The following HS3ST4 variants were observed in gnomAD, a reference collection of about 807,000 sequenced individuals.
The protein encoded by HS3ST4 is heparan sulfate-glucosamine 3-sulfotransferase 4.
In HS3ST4, 17 loss-of-function variants were observed where a neutral mutation model predicts 29.2. The observed-to-expected ratio is 0.58, with a 90% confidence interval of 0.40 to 0.87. The LOEUF is 0.87. Among genes scored for constraint, HS3ST4 ranks in the 40% least tolerant of loss-of-function variants. The probability of loss-of-function intolerance (pLI) is 0.00; values close to 1 mark genes in which losing one functional copy is unlikely to be tolerated. For synonymous variants in HS3ST4, 314 were observed against 285.7 expected (o/e 1.10, Z -1.00); for missense variants, 627 against 634.5 (o/e 0.99, Z 0.13).
chr16:25,716,047 A>G (rs1383474291), intron 1 of HS3ST4, among the ~76,000 whole-genome samples: 1 of 152,224 alleles, frequency 6.6e-6, no homozygotes, highest in African/African-American at 2.4e-5. Flanking sequence ...TGTCCTGTGG[A>G]TTAAGAAGGG....
At chr16:25,799,521 G>C (rs1966910902) in intron 1 of HS3ST4, among the ~76,000 whole-genome samples, 1 of 152,056 alleles carries the variant, frequency 6.6e-6, no homozygotes, top group Non-Finnish European at 1.5e-5. Context: ...CCTTTTCTCT[G>C]TGAACCATCA....
At position 25,937,324 on chromosome 16, in the gene HS3ST4, G is replaced by A. The variant is rs575273445; in HGVS notation, c.735-198288G>A. ...TCCTACTATTATCAGTTGAACCCTA[G>A]ACCAAGTTGAACTTGAAATCTTACC... On this transcript the variant is annotated intron_variant, in intron 1 of 1. Transcript: ENST00000331351. 3.3e-5 allele frequency among the ~76,000 whole-genome samples: 5 copies of A among 152,262 alleles called. No homozygotes were observed. In the South Asian group the frequency reaches 1.0e-3, roughly 32 times the overall value.
intron 1 of HS3ST4, among the ~76,000 whole-genome samples, chr16:25,801,416 C>T (rs1405497270): frequency 1.3e-5 from 2 of 152,162 alleles, no homozygotes; most frequent in Non-Finnish European, 2.9e-5. Context: ...TTGTGCAAGT[C>T]TTTCTGTGAG....
intron 1 of HS3ST4, among the ~76,000 whole-genome samples, chr16:25,778,328 C>T (rs1399702733): frequency 3.3e-5 from 5 of 152,170 alleles, no homozygotes; most frequent in Non-Finnish European, 7.4e-5. Flanking sequence ...TGCAACAATC[C>T]AGTGCCTCAC....
chr16:25,787,354 A>T (rs557179399), intron 1 of HS3ST4, among the ~76,000 whole-genome samples: 7 of 152,370 alleles, frequency 4.6e-5, no homozygotes, highest in Non-Finnish European at 8.8e-5. Context: ...CACTGTATTC[A>T]TCTTGCAGAT....
intron 1 of HS3ST4, among the ~76,000 whole-genome samples, chr16:25,930,802 A>G (rs1419038466): frequency 3.3e-5 from 5 of 152,142 alleles, no homozygotes; most frequent in Non-Finnish European, 2.9e-5. Flanking sequence ...TTCTTTTCCA[A>G]TGGCACCAGC....
intron 1 of HS3ST4, among the ~76,000 whole-genome samples, chr16:25,946,743 T>A (rs898291323): frequency 2.0e-5 from 3 of 152,030 alleles, no homozygotes; most frequent in Admixed American, 1.3e-4. Flanking sequence ...CGGGGGCAAT[T>A]TACCTAACCA....
chr16:25,889,141 C>T (rs1416846599), intron 1 of HS3ST4, among the ~76,000 whole-genome samples: 2 of 152,160 alleles, frequency 1.3e-5, no homozygotes, highest in East Asian at 1.9e-4. Flanking sequence ...GAGGAGAAGT[C>T]GAATGTGAAA....
In HS3ST4 at chr16:25,805,308, T is replaced by C. The variant is rs545047551; in HGVS notation, c.734+112157T>C. Among the ~76,000 whole-genome samples the C allele has an allele frequency of 1.5e-3, 221 of 152,320 alleles. 2 individuals carry two copies. The highest frequency in any genetic ancestry group is 2.5e-3 in the South Asian group (12 of 4,830). ...AACAGAATTCATTGATTTTGGAGAC[T>C]GAAAGCCATAGCTGGCATCAGTTCA... On this transcript the variant is annotated intron_variant, in intron 1 of 1. Coordinates refer to ENST00000331351, the MANE Select transcript of HS3ST4 (RefSeq NM_006040.3).
rs146819245 is a variant in HS3ST4 at position 26,098,958 on chromosome 16, A to AAGGGTGC, written c.735-36650_735-36649insTGCAGGG. Among the ~76,000 whole-genome samples, 1,347 of 152,258 alleles carry AAGGGTGC rather than the reference A, an allele frequency of 8.8e-3. 11 individuals are homozygous for AAGGGTGC. Among genetic ancestry groups the AAGGGTGC allele is most frequent in the African/African-American group, 0.029 (1,224 of 41,534 alleles). On this transcript the variant is annotated intron_variant, in intron 1 of 1. Transcript: ENST00000331351. ...AGGGTGATATAGAGGTCCAAGAACA[A>AAGGGTGC]AGGGCACTAAACGACAGGTGTGGTG...
At position 26,136,788 on chromosome 16, in the gene HS3ST4, G is replaced by A. The variant is rs1281700524; in HGVS notation, c.*540G>A. The A allele has an allele frequency of 6.4e-6, 1 of 156,256 alleles. No individual in the cohort carries two copies. The highest frequency in any genetic ancestry group is 1.9e-4 in the East Asian group (1 of 5,200). 9.7% of individuals were successfully genotyped at this position (156,256 alleles called of 1,614,324 possible). On this transcript the variant is annotated 3_prime_UTR_variant, in exon 2 of 2. Transcript: ENST00000331351. ...GGTGTTTCTAGTCTTCTCTTTAAAG[G>A]TCTCATCCCACAACCCCTGACTTCC...
chr16:25,739,289 C>A (rs1966635250), intron 1 of HS3ST4, among the ~76,000 whole-genome samples: 1 of 152,104 alleles, frequency 6.6e-6, no homozygotes. Context: ...TTTCAGTGAG[C>A]CAAGTTCACG....
At chr16:25,906,414 A>G (rs1567269500) in intron 1 of HS3ST4, among the ~76,000 whole-genome samples, 1 of 152,180 alleles carries the variant, frequency 6.6e-6, no homozygotes, top group Non-Finnish European at 1.5e-5. Context: ...TCATTTGCTC[A>G]TTCATTAAAA....
At chr16:25,864,494 G>A (rs906132180) in intron 1 of HS3ST4, among the ~76,000 whole-genome samples, 2 of 152,020 alleles carry the variant, frequency 1.3e-5, no homozygotes, top group Admixed American at 6.6e-5. Context: ...TCCAGAACTG[G>A]TTCATCCTGC....
At chr16:25,861,790 A>G (rs1405902926) in intron 1 of HS3ST4, among the ~76,000 whole-genome samples, 1 of 152,152 alleles carries the variant, frequency 6.6e-6, no homozygotes, top group African/African-American at 2.4e-5. Context: ...CTCCCTTAAC[A>G]GTAGGGCTTA....
intron 1 of HS3ST4, among the ~76,000 whole-genome samples, chr16:25,784,250 C>A (rs893234702): frequency 1.3e-5 from 2 of 152,136 alleles, no homozygotes; most frequent in Admixed American, 6.6e-5. Flanking sequence ...TGAGACACAA[C>A]AATATTCAAA....
intron 1 of HS3ST4, among the ~76,000 whole-genome samples, chr16:26,120,063 G>GTA (rs1899252648): frequency 9.2e-5 from 12 of 130,416 alleles, no homozygotes; most frequent in South Asian, 4.9e-4. Flanking sequence ...GTGTGTGTGT[G>GTA]TGTGTGTATG....
At chr16:25,770,862 A>G (rs1044130204) in intron 1 of HS3ST4, among the ~76,000 whole-genome samples, 6 of 152,152 alleles carry the variant, frequency 3.9e-5, no homozygotes, top group South Asian at 4.1e-4. Flanking sequence ...GTGAATGTCT[A>G]TTCAGTGCTT....
chr16:25,881,858 T>C (rs979543383), intron 1 of HS3ST4, among the ~76,000 whole-genome samples: 4 of 150,446 alleles, frequency 2.7e-5, no homozygotes, highest in African/African-American at 9.7e-5. Flanking sequence ...TCACATTGAC[T>C]ATGAAATTGA....
Sources: allele counts gnomAD v4.1 joint callset (sites outside exome capture counted in the v4.1 genomes callset), GRCh38; gene constraint gnomAD v4.1.1; transcripts MANE v1.5; gene names NCBI Gene and HGNC (gene_info 2026-07-23, HGNC 2026-07-21).